CEP41: variants seen among roughly 807,000 people sequenced by gnomAD.
CEP41 encodes centrosomal protein 41.
Under a neutral mutation model 44.3 loss-of-function variants are expected in CEP41, and 32 were observed. The observed-to-expected ratio is 0.72, with a 90% CI of 0.54 to 0.97. CEP41 has a LOEUF of 0.97. Ranked by LOEUF, CEP41 falls within the 50% of genes least tolerant of loss-of-function variation. CEP41 has a pLI of 0.00. For missense variants in CEP41, 432 were observed against 455.2 expected (o/e 0.95, Z 0.46); for synonymous variants, 151 against 168.5 (o/e 0.90, Z 0.80).
At chr7:130,420,894 T>C in intron 2 of CEP41, 1 of 954,678 alleles carries the variant, frequency 1.0e-6, no homozygotes, top group Non-Finnish European at 1.2e-6. Context: ...CTTCCCAATT[T>C]GGTCTGAGTT....
chr7:130,426,431 C>A (rs1797663056), intron 2 of CEP41, among the ~76,000 whole-genome samples: 1 of 144,794 alleles, frequency 6.9e-6, no homozygotes, highest in Non-Finnish European at 1.5e-5. Flanking sequence ...AGTTTAATTT[C>A]CAGGAGGAAA....
At chr7:130,425,546 G>A (rs1464988735) in intron 2 of CEP41, among the ~76,000 whole-genome samples, 1 of 152,206 alleles carries the variant, frequency 6.6e-6, no homozygotes, top group African/African-American at 2.4e-5. Context: ...TTCATCCATT[G>A]CTGGTGGGAA....
At chr7:130,433,419 A>C (rs1797879250) in intron 1 of CEP41, among the ~76,000 whole-genome samples, 1 of 151,902 alleles carries the variant, frequency 6.6e-6, no homozygotes, top group South Asian at 2.1e-4. Flanking sequence ...AGAGTGGGAG[A>C]GGATGAGGTC....
chr7:130,404,492 AG>A, intron 6 of CEP41, 71 bp downstream of exon 6: 1 of 1,275,740 alleles, frequency 7.8e-7, no homozygotes, highest in Non-Finnish European at 1.1e-6. Flanking sequence ...GAAAAAAAAA[AG>A]ATCCCTGAAA....
intron 1 of CEP41, 152 bp downstream of exon 1, chr7:130,440,782 G>GGC: frequency 7.5e-5 from 40 of 531,086 alleles, no homozygotes; most frequent in South Asian, 3.2e-4. Context: ...CCCAAGCCCG[G>GGC]CCCGCCCCGC....
At chr7:130,404,450 CTT>C (rs1262502252) in intron 6 of CEP41, 112 bp downstream of exon 6, 1 of 825,668 alleles carries the variant, frequency 1.2e-6, no homozygotes, top group Non-Finnish European at 2.0e-6. Flanking sequence ...AAATGTGAGA[CTT>C]TACTCCTGCC....
chr7:130,406,078 A>C (rs1554418160), intron 5 of CEP41, among the ~76,000 whole-genome samples: 1 of 151,334 alleles, frequency 6.6e-6, no homozygotes, highest in Non-Finnish European at 1.5e-5. Context: ...GTATGTTTGT[A>C]ATGGGTTTAG....
At position 130,394,946 on chromosome 7, in the gene CEP41, T is replaced by C. The variant is rs1554413891; in HGVS notation, c.*3945A>G. 2.2e-6 allele frequency: 1 copy of C among 453,946 alleles called. No individual in the cohort carries two copies. The highest frequency in any genetic ancestry group is 2.0e-5 in the African/African-American group (1 of 49,986). The allele number at this position is 453,946 out of a possible 1,614,324, so 28.1% of individuals were successfully genotyped here. ...CATTTTACCAGGTGCTTCAGGATGT[T>C]ACACAGGTGAGAATTTGCTTCTGTA... On this transcript the variant is annotated 3_prime_UTR_variant, in exon 11 of 11. Transcript: ENST00000223208.
rs1057385219 is a variant in CEP41 at position 130,393,988 on chromosome 7, T to G, written c.*4903A>C. ...GCGGTGGAAATGTGGAAATACGCAT[T>G]CCCCAGAGCAGATGTTTCAGTTCCT... On this transcript the variant is annotated 3_prime_UTR_variant, in exon 11 of 11. Coordinates refer to ENST00000223208, the MANE Select transcript of CEP41 (RefSeq NM_018718.3). 6.6e-6 allele frequency: 3 copies of G among 453,938 alleles called. No homozygotes were observed. Among genetic ancestry groups the G allele is most frequent in the African/African-American group, 6.0e-5 (3 of 49,974 alleles). 28.1% of individuals were successfully genotyped at this position (453,938 alleles called of 1,614,324 possible). A position where few individuals can be genotyped will look rare whatever the true frequency, so the allele number is the denominator to read the frequency against.
At position 130,401,919 on chromosome 7, in the gene CEP41, T is replaced by C; in HGVS notation, c.604A>G (p.Arg202Gly). 1 of 1,610,950 alleles carries C rather than the reference T, an allele frequency of 6.2e-7. No homozygotes were observed. Among genetic ancestry groups the C allele is most frequent in the Non-Finnish European group, 8.5e-7 (1 of 1,177,102 alleles). Residue 202 changes from arginine (R) to glycine (G), a missense_variant, in exon 8 of 11, where the codon AGA becomes GGA. By Grantham distance (125) the Arg-to-Gly change is moderately radical. Transcript: ENST00000223208. ...AYSYPIATLS[R>G]TMNPYSNDIL... ...TCATTTGAATAAGGGTTCATTGTTC[T>C]AGACAGAGTTGCAATTGGGTAACTG...
chr7:130,398,415 A>C lies in CEP41; in HGVS notation c.*476T>G, dbSNP rs1480846961. 2.2e-6 allele frequency: 1 copy of C among 453,912 alleles called. No individual in the cohort carries two copies. Among genetic ancestry groups the C allele is most frequent in the Non-Finnish European group, 4.4e-6 (1 of 226,838 alleles). The allele number at this position is 453,912 out of a possible 1,614,324, so 28.1% of individuals were successfully genotyped here. A position where few individuals can be genotyped will look rare whatever the true frequency, so the allele number is the denominator to read the frequency against. On this transcript the variant is annotated 3_prime_UTR_variant, in exon 11 of 11. Coordinates refer to ENST00000223208, the MANE Select transcript of CEP41 (RefSeq NM_018718.3). Reference sequence around the variant, plus strand: ...CGGCTGGAACCTAAGGCTCATCTGCACCCTTGGAAACAGCTTCTCACACCA... The same window carrying C: ...CGGCTGGAACCTAAGGCTCATCTGCCCCCTTGGAAACAGCTTCTCACACCA...
chr7:130,408,083 C>A (rs1554418611), intron 5 of CEP41, among the ~76,000 whole-genome samples: 1 of 152,154 alleles, frequency 6.6e-6, no homozygotes, highest in African/African-American at 2.4e-5. Context: ...GACATGCAGG[C>A]CCTCCTGCCT....
chr7:130,412,431 C>T (rs1221475162), intron 3 of CEP41, among the ~76,000 whole-genome samples, 191 bp from the exon 4 acceptor site: 2 of 152,150 alleles, frequency 1.3e-5, no homozygotes, highest in African/African-American at 4.8e-5. Flanking sequence ...TTTCCCTTTG[C>T]TTTGTCATTA....
Position 130,394,091 on chromosome 7 carries a change from G to A in CEP41, c.*4800C>T, listed in dbSNP as rs1554413485. The A allele has an allele frequency of 2.2e-6, 1 of 454,116 alleles. No individual in the cohort carries two copies. The highest frequency in any genetic ancestry group is 2.3e-5 in the Admixed American group (1 of 42,574). The allele number at this position is 454,116 out of a possible 1,614,324, so 28.1% of individuals were successfully genotyped here. On this transcript the variant is annotated 3_prime_UTR_variant, in exon 11 of 11. Transcript: ENST00000223208. ...CTCGGCTGACTAGGAGGGAAGGGAA[G>A]CCAATAGCGAAGGGAAAGGTACATT... is the stretch of plus-strand genomic sequence containing the variant.
At chr7:130,436,319 A>T (rs941563936) in intron 1 of CEP41, among the ~76,000 whole-genome samples, 6 of 152,112 alleles carry the variant, frequency 3.9e-5, no homozygotes, top group African/African-American at 1.4e-4. Flanking sequence ...AAGGTCACAT[A>T]CTGTATGATT....
intron 5 of CEP41, among the ~76,000 whole-genome samples, chr7:130,408,680 C>T (rs1369115364): frequency 3.3e-5 from 5 of 152,178 alleles, no homozygotes; most frequent in Non-Finnish European, 7.3e-5. Flanking sequence ...TGGCAATCAG[C>T]ACTGGGTGTC....
At position 130,402,710 on chromosome 7, in the gene CEP41, C is replaced by T; in HGVS notation, c.512G>A (p.Cys171Tyr). Residue 171 changes from cysteine (C) to tyrosine (Y), a missense_variant, in exon 7 of 11, where the codon TGC becomes TAC. Transcript: ENST00000223208. ...ACGCACATCTAGCAGCAGGAAGGGG[C>T]AGTCAGGATAAGGTTTGTCTTTGGT... is the stretch of plus-strand genomic sequence containing the variant. The part of the protein sequence containing the change: ...PHTKDKPYPD[C>Y]PFLLLDVRDR... The T allele has an allele frequency of 6.2e-7, 1 of 1,614,124 alleles. No individual in the cohort carries two copies. The highest frequency in any genetic ancestry group is 8.5e-7 in the Non-Finnish European group (1 of 1,180,010).
chr7:130,417,299 C>T, intron 2 of CEP41: 1 of 1,123,856 alleles, frequency 8.9e-7, no homozygotes, highest in Non-Finnish European at 1.1e-6. Flanking sequence ...TCTCCCCTGC[C>T]CCCGCTGACG....
intron 1 of CEP41, among the ~76,000 whole-genome samples, chr7:130,432,685 C>G (rs1554425359): frequency 6.6e-6 from 1 of 151,564 alleles, no homozygotes; most frequent in Non-Finnish European, 1.5e-5. Context: ...ATCCCTTGAG[C>G]CCAGGTCAAG....
Sources: gnomAD v4.1 joint callset for allele counts (sites outside exome capture counted in the v4.1 genomes callset) on GRCh38, gnomAD v4.1.1 for gene constraint, MANE v1.5 for transcripts, NCBI Gene and HGNC (gene_info 2026-07-23, HGNC 2026-07-21) for gene names.